Variants in HSD17B13 observed in about 807,000 individuals in gnomAD.
HSD17B13 encodes 17-beta-hydroxysteroid dehydrogenase 13.
In HSD17B13, 26 loss-of-function variants were observed where a neutral mutation model predicts 31.1. The observed-to-expected ratio is 0.84, with a 90% CI of 0.61 to 1.16. HSD17B13 has a LOEUF of 1.16. Ranked by LOEUF, HSD17B13 falls within the 50% of genes most tolerant of loss-of-function variation. The pLI is 0.00. For missense variants in HSD17B13, 374 were observed against 366.5 expected, an observed-to-expected ratio of 1.02 and a Z score of -0.17; for synonymous variants, 141 against 133.7, an observed-to-expected ratio of 1.05 and a Z score of -0.38.
intron 4 of HSD17B13, among the ~76,000 whole-genome samples, chr4:87,314,169 AATG>A (rs1048776795): frequency 6.6e-6 from 1 of 151,752 alleles, no homozygotes; most frequent in Non-Finnish European, 1.5e-5. Flanking sequence ...CTTAAACAAC[AATG>A]ATAACAAAAG....
intron 5 of HSD17B13, among the ~76,000 whole-genome samples, chr4:87,312,563 T>C (rs1212690539): frequency 7.6e-6 from 1 of 131,662 alleles, no homozygotes; most frequent in Non-Finnish European, 1.6e-5. Context: ...GGAGTCTCGC[T>C]CTGTCGCCCA....
chr4:87,311,490 G>A (rs915733169), intron 5 of HSD17B13, among the ~76,000 whole-genome samples: 34 of 152,164 alleles, frequency 2.2e-4, no homozygotes, highest in African/African-American at 7.2e-4. Context: ...AGTTTAATGA[G>A]AATTTAAGAG....
At chr4:87,313,157 C>G (rs1419013043) in intron 5 of HSD17B13, among the ~76,000 whole-genome samples, 1 of 151,980 alleles carries the variant, frequency 6.6e-6, no homozygotes, top group East Asian at 1.9e-4. Flanking sequence ...GGGAGTGATT[C>G]CAGCTGCAGA....
At chr4:87,308,649 C>A (rs1251027466) in intron 6 of HSD17B13, among the ~76,000 whole-genome samples, 1 of 149,938 alleles carries the variant, frequency 6.7e-6, no homozygotes, top group Non-Finnish European at 1.5e-5. Flanking sequence ...CCACTGCACT[C>A]CAGCCTGGGC....
chr4:87,322,663 T>G lies in HSD17B13; in HGVS notation c.179A>C (p.Gln60Pro), dbSNP rs1402397784. The change falls in exon 1 of 7, where the codon CAG (glutamine) becomes CCG (proline). Residue 60 changes from glutamine to proline, a missense_variant. Physicochemically the swap from Gln to Pro is moderately conservative, Grantham distance 76 (BLOSUM62 -1). Coordinates refer to ENST00000328546, the MANE Select transcript of HSD17B13 (RefSeq NM_178135.5). ...AATATCCCACAGAACCAATATGCTCTGTCGTTTTGCAAATTCATAAGTAGT... is the reference window on the plus strand; with the variant it reads ...AATATCCCACAGAACCAATATGCTCGGTCGTTTTGCAAATTCATAAGTAGT... ...RQTTYEFAKR[Q>P]SILVLWDINK... The G allele has an allele frequency of 1.2e-6, 2 of 1,614,062 alleles. No homozygotes were observed. The highest frequency in any genetic ancestry group is 3.3e-4 in the Middle Eastern group (2 of 6,060).
intron 1 of HSD17B13, among the ~76,000 whole-genome samples, chr4:87,318,809 A>G (rs1734718322): frequency 6.6e-6 from 1 of 151,842 alleles, no homozygotes; most frequent in African/African-American, 2.4e-5. Flanking sequence ...AAAAAAAAAA[A>G]AAAAAAAATT....
rs1454783028 is a variant in HSD17B13 at position 87,308,508 on chromosome 4, A to T, written c.812+1735T>A. The stretch of plus-strand genomic sequence containing the variant: ...ACTAAAAAAAAAAAAAAAAAAAAAA[A>T]AAAAAAAAAAAAAAAAAAAAAAATA... On this transcript the variant is annotated intron_variant, in intron 6 of 6. Coordinates refer to ENST00000328546, the MANE Select transcript of HSD17B13 (RefSeq NM_178135.5). 2.5e-3 allele frequency among the ~76,000 whole-genome samples: 243 copies of T among 98,592 alleles called. 2 individuals are homozygous for T. The highest frequency in any genetic ancestry group is 0.012 in the African/African-American group (229 of 19,376). 64.7% of individuals were successfully genotyped at this position (98,592 alleles called of 152,430 possible).
chr4:87,308,959 G>C (rs1006226264), intron 6 of HSD17B13, among the ~76,000 whole-genome samples: 1 of 143,554 alleles, frequency 7.0e-6, no homozygotes, highest in African/African-American at 2.6e-5. Context: ...ATCGAGTTTA[G>C]CAAAAAGAGG....
At position 87,318,367 on chromosome 4, in the gene HSD17B13, A is replaced by G. The variant is rs369113353; in HGVS notation, c.280T>C (p.Cys94Arg). The G allele has an allele frequency of 3.7e-6, 6 of 1,614,030 alleles. No individual in the cohort carries two copies. The highest frequency in any genetic ancestry group is 1.7e-5 in the Admixed American group (1 of 60,010). ...GVTAHAYVVD[C>R]SNREEIYRSL... is the part of the protein sequence containing the mutation. The stretch of plus-strand genomic sequence containing the variant: ...CGATAGATCTCTTCTCTGTTGCTGC[A>G]GTCTACCACATACGCATGCGCAGTG... Residue 94 changes from cysteine (C) to arginine (R), a missense_variant, in exon 2 of 7, where the codon TGC (cysteine) becomes CGC (arginine). Cys to Arg is a radical substitution (Grantham distance 180). Transcript: ENST00000328546.
intron 6 of HSD17B13, among the ~76,000 whole-genome samples, chr4:87,309,442 CA>C (rs1193090343): frequency 8.2e-6 from 1 of 122,224 alleles, no homozygotes; most frequent in African/African-American, 3.0e-5. Flanking sequence ...ATAAATCTGA[CA>C]AAATATGTGC....
intron 3 of HSD17B13, 69 bp from the exon 4 acceptor site, chr4:87,315,668 A>G: frequency 1.1e-6 from 1 of 934,822 alleles, no homozygotes; most frequent in South Asian, 1.7e-5. Context: ...AGGTAGTTTT[A>G]TTTTTGTTAA....
At chr4:87,315,106 C>T (rs7671726) in intron 4 of HSD17B13, among the ~76,000 whole-genome samples, 9,409 of 152,204 alleles carry the variant, frequency 0.062, 930 homozygotes, top group African/African-American at 0.21. Flanking sequence ...TGGAAACACT[C>T]CAGCTATGAC....
At chr4:87,307,987 C>T (rs13130041) in intron 6 of HSD17B13, among the ~76,000 whole-genome samples, 30,507 of 152,062 alleles carry the variant, frequency 0.2, 3,665 homozygotes, top group East Asian at 0.34. Flanking sequence ...AGGCCCAAGG[C>T]TTATGAAGTT....
intron 6 of HSD17B13, among the ~76,000 whole-genome samples, chr4:87,307,511 T>C (rs1734418294): frequency 6.6e-6 from 1 of 152,172 alleles, no homozygotes; most frequent in South Asian, 2.1e-4. Flanking sequence ...TTTTTTTCAT[T>C]TTTTTAAAAA....
chr4:87,322,250 G>C (rs900280318), intron 1 of HSD17B13, among the ~76,000 whole-genome samples: 1 of 152,186 alleles, frequency 6.6e-6, no homozygotes, highest in Non-Finnish European at 1.5e-5. Flanking sequence ...GGTTTCTGTT[G>C]CAAGTTCTTC....
intron 6 of HSD17B13, among the ~76,000 whole-genome samples, chr4:87,307,568 AGTGGC>A (rs1734420342): frequency 6.6e-6 from 1 of 152,114 alleles, no homozygotes; most frequent in African/African-American, 2.4e-5. Context: ...GCTGGAGTGC[AGTGGC>A]ACAATCATGG....
chr4:87,312,924 G>C (rs1231944727), intron 5 of HSD17B13, among the ~76,000 whole-genome samples: 1 of 151,562 alleles, frequency 6.6e-6, no homozygotes, highest in South Asian at 2.1e-4. Context: ...GCCAGGCGTG[G>C]TGGTGGGCGC....
intron 1 of HSD17B13, among the ~76,000 whole-genome samples, chr4:87,321,626 A>G (rs1734788559): frequency 6.6e-6 from 1 of 151,910 alleles, no homozygotes; most frequent in South Asian, 2.1e-4. Flanking sequence ...TCATTTTTAT[A>G]TACATCAACT....
At chr4:87,306,384 T>C (rs1406639661) in intron 6 of HSD17B13, among the ~76,000 whole-genome samples, 3 of 152,228 alleles carry the variant, frequency 2.0e-5, no homozygotes. Context: ...ATATCTATTA[T>C]GCACTCTATA....
Sources: allele counts gnomAD v4.1 joint callset (sites outside exome capture counted in the v4.1 genomes callset), GRCh38; gene constraint gnomAD v4.1.1; transcripts MANE v1.5; gene names NCBI Gene and HGNC (gene_info 2026-07-23, HGNC 2026-07-21).